The following SLC16A1 variants were observed in gnomAD, a reference collection of about 807,000 sequenced individuals.
The protein encoded by SLC16A1 is monocarboxylate transporter 1.
In SLC16A1, 11 loss-of-function variants were observed where a neutral mutation model predicts 32.2. That is an observed-to-expected ratio of 0.34 (90% confidence interval 0.21 to 0.56). SLC16A1 has a LOEUF of 0.56. Ranked by LOEUF, SLC16A1 falls within the 20% of genes least tolerant of loss-of-function variation. The probability of loss-of-function intolerance (pLI) is 0.87; values close to 1 mark genes in which losing one functional copy is unlikely to be tolerated. For missense variants in SLC16A1, 435 were observed against 615.0 expected, an observed-to-expected ratio of 0.71 and a Z score of 3.10; for synonymous variants, 231 against 226.8, an observed-to-expected ratio of 1.02 and a Z score of -0.17.
At chr1:112,939,938 G>A (rs1294032435) in intron 1 of SLC16A1, among the ~76,000 whole-genome samples, 5 of 150,926 alleles carry the variant, frequency 3.3e-5, no homozygotes, top group African/African-American at 1.2e-4. Context: ...CAAAGTTTTT[G>A]TTCCAAGGCA....
At chr1:112,940,306 G>A (rs887839405) in intron 1 of SLC16A1, among the ~76,000 whole-genome samples, 6 of 152,078 alleles carry the variant, frequency 3.9e-5, no homozygotes, top group Non-Finnish European at 8.8e-5. Flanking sequence ...GCCTCCCAAA[G>A]TGCTGGGATT....
intron 1 of SLC16A1, among the ~76,000 whole-genome samples, chr1:112,940,046 T>A (rs577061396): frequency 1.1e-3 from 160 of 141,854 alleles, no homozygotes; most frequent in African/African-American, 4.4e-3. Flanking sequence ...GTGATTTTTT[T>A]TTTTTTTTTT....
intron 1 of SLC16A1, among the ~76,000 whole-genome samples, chr1:112,939,680 A>G (rs2101643636): frequency 6.6e-6 from 1 of 152,022 alleles, no homozygotes. Context: ...TAATTTTTGT[A>G]TTATTAGTAG....
chr1:112,913,787 G>A lies in SLC16A1; in HGVS notation c.*104C>T, dbSNP rs182505461. ...CAACTGGTATGATTTCCACACAAAT[G>A]TCTACTATTTGCATTGAGCACCACT... On this transcript the variant is annotated 3_prime_UTR_variant, in exon 5 of 5. Coordinates refer to ENST00000369626, the MANE Select transcript of SLC16A1 (RefSeq NM_003051.4). 2.5e-3 allele frequency: 3,414 copies of A among 1,357,826 alleles called. 11 individuals carry two copies. Among genetic ancestry groups the A allele is most frequent in the Non-Finnish European group, 3.4e-3 (3,242 of 952,538 alleles). The allele number at this position is 1,357,826 out of a possible 1,614,324, so 84.1% of individuals were successfully genotyped here.
intron 1 of SLC16A1, among the ~76,000 whole-genome samples, chr1:112,953,013 T>G (rs1304986886): frequency 6.6e-6 from 1 of 152,208 alleles, no homozygotes; most frequent in African/African-American, 2.4e-5. Context: ...TCTGTTTCTC[T>G]ACCAAATCCT....
chr1:112,916,510 A>C (rs998085096), intron 4 of SLC16A1, among the ~76,000 whole-genome samples: 19 of 151,506 alleles, frequency 1.3e-4, no homozygotes, highest in Non-Finnish European at 2.1e-4. Flanking sequence ...AAAAAAAAAA[A>C]AAAAAAAAAA....
chr1:112,943,438 A>T (rs1174446624), intron 1 of SLC16A1, among the ~76,000 whole-genome samples: 4 of 152,220 alleles, frequency 2.6e-5, no homozygotes, highest in Non-Finnish European at 4.4e-5. Flanking sequence ...TAGCCAAAGA[A>T]GATCAAATAT....
chr1:112,939,742 T>G (rs1435063537), intron 1 of SLC16A1, among the ~76,000 whole-genome samples: 1 of 152,126 alleles, frequency 6.6e-6, no homozygotes, highest in Non-Finnish European at 1.5e-5. Context: ...TGACCTCAGG[T>G]GATCCACCCA....
intron 3 of SLC16A1, among the ~76,000 whole-genome samples, chr1:112,918,286 G>A (rs535183835): frequency 3.2e-4 from 49 of 152,084 alleles, no homozygotes; most frequent in African/African-American, 1.1e-3. Flanking sequence ...TATGTAAAAC[G>A]GGCACAGGTC....
chr1:112,920,483 G>A (rs1187801656), intron 3 of SLC16A1, among the ~76,000 whole-genome samples: 1 of 152,184 alleles, frequency 6.6e-6, no homozygotes, highest in Admixed American at 6.5e-5. Flanking sequence ...GCGGGCGCCT[G>A]TAATCCCGGC....
chr1:112,925,098 T>C (rs917880901), intron 2 of SLC16A1, among the ~76,000 whole-genome samples: 3 of 152,212 alleles, frequency 2.0e-5, no homozygotes, highest in African/African-American at 7.2e-5. Context: ...TATATGCATA[T>C]AAAAATCAGC....
chr1:112,936,658 A>G (rs1205982583), intron 1 of SLC16A1, among the ~76,000 whole-genome samples: 1 of 152,076 alleles, frequency 6.6e-6, no homozygotes, highest in Admixed American at 6.6e-5. Flanking sequence ...ATTGCTTAGG[A>G]CAGTGAACCA....
rs573557263 is a variant in SLC16A1 at position 112,912,353 on chromosome 1, A to G, written c.*1538T>C. ...AGAAAATAGACATTTGGGAGAAGAA[A>G]TGTTTTCTTAAAAAATGTTTATTTG... On this transcript the variant is annotated 3_prime_UTR_variant, in exon 5 of 5. Coordinates refer to ENST00000369626, the MANE Select transcript of SLC16A1 (RefSeq NM_003051.4). The G allele has an allele frequency of 1.3e-5, 2 of 152,368 alleles. No homozygotes were observed. Among genetic ancestry groups the G allele is most frequent in the African/African-American group, 4.8e-5 (2 of 41,590 alleles). 9.4% of individuals were successfully genotyped at this position (152,368 alleles called of 1,614,324 possible).
At chr1:112,922,934 C>T (rs913184149) in intron 2 of SLC16A1, among the ~76,000 whole-genome samples, 1 of 151,916 alleles carries the variant, frequency 6.6e-6, no homozygotes, top group African/African-American at 2.4e-5. Flanking sequence ...TTTTTTGAGA[C>T]GGAGTCTCAC....
Position 112,951,778 on chromosome 1 carries a change from T to C in SLC16A1, c.-45+4257A>G, listed in dbSNP as rs80217789. Among the ~76,000 whole-genome samples, 1,281 of 152,312 alleles carry C rather than the reference T, an allele frequency of 8.4e-3. 21 individuals are homozygous for C. Among genetic ancestry groups the C allele is most frequent in the African/African-American group, 0.028 (1,175 of 41,570 alleles). ...GGCCTTTTAAGAGGATATACCTCAA[T>C]ACATTTAAATACATTTCCAGAAAAC... On this transcript the variant is annotated intron_variant, in intron 1 of 4. Transcript: ENST00000369626.
At chr1:112,927,389 A>C (rs1570629417) in intron 2 of SLC16A1, among the ~76,000 whole-genome samples, 2 of 152,138 alleles carry the variant, frequency 1.3e-5, no homozygotes, top group South Asian at 4.1e-4. Context: ...TATATCTCTG[A>C]CCCAAAGCAC....
In SLC16A1 at chr1:112,912,429, A is replaced by G. The variant is rs950068854; in HGVS notation, c.*1462T>C. 1.3e-5 allele frequency: 2 copies of G among 152,258 alleles called. No individual in the cohort carries two copies. The highest frequency in any genetic ancestry group is 6.5e-5 in the Admixed American group (1 of 15,286). 9.4% of individuals were successfully genotyped at this position (152,258 alleles called of 1,614,324 possible). A position where few individuals can be genotyped will look rare whatever the true frequency, so the allele number is the denominator to read the frequency against. On this transcript the variant is annotated 3_prime_UTR_variant, in exon 5 of 5. Coordinates refer to ENST00000369626, the MANE Select transcript of SLC16A1 (RefSeq NM_003051.4). ...TTTGTATCTATACTTTTACTCTGTC[A>G]ATTACAGTGGTATTTTAAATGCATT...
At chr1:112,949,199 G>A (rs1458981150) in intron 1 of SLC16A1, among the ~76,000 whole-genome samples, 6 of 151,868 alleles carry the variant, frequency 4.0e-5, no homozygotes, top group South Asian at 2.1e-4. Context: ...ACAGGCATGC[G>A]TCACCATGCC....
intron 4 of SLC16A1, among the ~76,000 whole-genome samples, chr1:112,916,318 G>A (rs1325453244): frequency 6.6e-6 from 1 of 151,406 alleles, no homozygotes; most frequent in East Asian, 1.9e-4. Context: ...TGGCCAACAT[G>A]GTGAAACCGT....
Sources: allele counts gnomAD v4.1 joint callset (sites outside exome capture counted in the v4.1 genomes callset), GRCh38; gene constraint gnomAD v4.1.1; transcripts MANE v1.5; gene names NCBI Gene and HGNC (gene_info 2026-07-23, HGNC 2026-07-21).